PTPN21: variants seen among roughly 807,000 people sequenced by gnomAD.
PTPN21 encodes protein tyrosine phosphatase non-receptor type 21.
Under a neutral mutation model 131.8 loss-of-function variants are expected in PTPN21, and 77 were observed. That is an observed-to-expected ratio of 0.58 (90% CI 0.49 to 0.71). The LOEUF is 0.71. Ranked by LOEUF, PTPN21 falls within the 30% of genes least tolerant of loss-of-function variation. PTPN21 has a pLI of 0.00. For missense variants in PTPN21, 1,552 were observed against 1,527.1 expected (o/e 1.02, Z -0.27); for synonymous variants, 715 against 621.3 (o/e 1.15, Z -2.24).
chr14:88,479,607 C>T lies in PTPN21; in HGVS notation c.1824G>A (p.Glu608=). The change falls in exon 13 of 19, where the codon GAG becomes GAA. Residue 608 remains glutamate (E), a synonymous_variant. Transcript: ENST00000556564. Reference sequence around the variant, plus strand: ...GCGAGTGCGCCACGGGCAGGCTGTCCTCCTGGAACGTTTGCACCGAGTGGT... The same window carrying T: ...GCGAGTGCGCCACGGGCAGGCTGTCTTCCTGGAACGTTTGCACCGAGTGGT... ...RVHHSVQTFQ[E]DSLPVAHSLQ... The T allele has an allele frequency of 6.3e-7, 1 of 1,584,394 alleles. No homozygotes were observed. Among genetic ancestry groups the T allele is most frequent in the Non-Finnish European group, 8.5e-7 (1 of 1,171,046 alleles).
chr14:88,501,467 T>C (rs2078006510), intron 6 of PTPN21, 99 bp from the exon 7 acceptor site: 3 of 1,018,374 alleles, frequency 2.9e-6, no homozygotes, highest in Non-Finnish European at 4.5e-6. Context: ...GCATAAGACA[T>C]TATAAACATT....
At chr14:88,503,359 G>C (rs979962727) in intron 6 of PTPN21, among the ~76,000 whole-genome samples, 3 of 152,088 alleles carry the variant, frequency 2.0e-5, no homozygotes, top group African/African-American at 7.2e-5. Flanking sequence ...TTTTGAGCTT[G>C]GTTTCCCCAT....
intron 8 of PTPN21, among the ~76,000 whole-genome samples, chr14:88,497,749 A>G (rs2077944209): frequency 6.6e-6 from 1 of 152,030 alleles, no homozygotes; most frequent in Non-Finnish European, 1.5e-5. Flanking sequence ...ACTGCACTCC[A>G]ACCTGGGCGA....
chr14:88,518,741 T>C (rs1216013885), intron 2 of PTPN21, among the ~76,000 whole-genome samples: 4 of 151,864 alleles, frequency 2.6e-5, no homozygotes, highest in Non-Finnish European at 4.4e-5. Flanking sequence ...TCATAATTAA[T>C]ATTTTTAAAT....
At chr14:88,491,755 G>A (rs932077499) in intron 10 of PTPN21, among the ~76,000 whole-genome samples, 7 of 152,174 alleles carry the variant, frequency 4.6e-5, no homozygotes, top group African/African-American at 9.6e-5. Context: ...CATGGAAATC[G>A]ACTGCCACAA....
At chr14:88,520,739 A>G (rs1255012651) in intron 2 of PTPN21, among the ~76,000 whole-genome samples, 1 of 152,222 alleles carries the variant, frequency 6.6e-6, no homozygotes, top group Non-Finnish European at 1.5e-5. Flanking sequence ...CAATCAATCT[A>G]ATTTGGTTTT....
chr14:88,539,273 T>C (rs1461000602), intron 2 of PTPN21, among the ~76,000 whole-genome samples: 4 of 137,270 alleles, frequency 2.9e-5, no homozygotes, highest in Admixed American at 7.3e-5. Flanking sequence ...TTTTGAGACA[T>C]AGTTTTGCTC....
intron 2 of PTPN21, among the ~76,000 whole-genome samples, chr14:88,536,780 C>T (rs1245437822): frequency 6.6e-6 from 1 of 152,128 alleles, no homozygotes; most frequent in African/African-American, 2.4e-5. Flanking sequence ...TAATTTCATC[C>T]TGATGCCTTT....
rs765151899 is a variant in PTPN21 at position 88,469,542 on chromosome 14, G to C, written c.3192C>G (p.Asp1064Glu). 4.3e-6 allele frequency: 7 copies of C among 1,614,192 alleles called. No homozygotes were observed. Among genetic ancestry groups the C allele is most frequent in the Non-Finnish European group, 5.9e-6 (7 of 1,180,036 alleles). The change falls in exon 17 of 19, where the codon GAC (aspartate) becomes GAG (glutamate). Residue 1064 changes from aspartate to glutamate, a missense_variant. Asp to Glu is a conservative substitution (Grantham distance 45, BLOSUM62 2). This residue lies in a region of PTPN21 where 316 missense variants were observed against 378.5 expected (regional missense o/e 0.83). Coordinates refer to ENST00000556564, the MANE Select transcript of PTPN21 (RefSeq NM_007039.4). This position sits in a 1 kb window ranked among gnomAD's most constrained non-coding sequence, Gnocchi z 4.3. Reference sequence around the variant, plus strand: ...CTTCTGGACAGCCATGTTCAGGCCAGTCTGTGTATTGGAGGTGCCAGACGG... The same window carrying C: ...CTTCTGGACAGCCATGTTCAGGCCACTCTGTGTATTGGAGGTGCCAGACGG... ...ERTVWHLQYT[D>E]WPEHGCPEDL...
At chr14:88,482,608 C>T (rs1484209246) in intron 12 of PTPN21, among the ~76,000 whole-genome samples, 1 of 150,454 alleles carries the variant, frequency 6.6e-6, no homozygotes, top group Non-Finnish European at 1.5e-5. Context: ...AGCGAAACTC[C>T]ATCTCAAAAG....
Position 88,507,902 on chromosome 14 carries a change from T to C in PTPN21, c.448+21A>G, listed in dbSNP as rs763301455. ...ATTTTAATCTGATAGAACCATTTCATTATGAATTGATCTTATTTACCTTGA... is the reference window on the plus strand; with the variant it reads ...ATTTTAATCTGATAGAACCATTTCACTATGAATTGATCTTATTTACCTTGA... On this transcript the variant is annotated intron_variant, in intron 4 of 18. Transcript: ENST00000556564. 5.5e-6 allele frequency: 8 copies of C among 1,456,524 alleles called. No individual in the cohort carries two copies. The East Asian group carries it at 1.8e-4, about 33-fold the overall frequency. The allele number at this position is 1,456,524 out of a possible 1,614,324, so 90.2% of individuals were successfully genotyped here. A position where few individuals can be genotyped will look rare whatever the true frequency, so the allele number is the denominator to read the frequency against.
At chr14:88,554,161 C>G (rs572859761) in intron 1 of PTPN21, among the ~76,000 whole-genome samples, 1 of 152,308 alleles carries the variant, frequency 6.6e-6, no homozygotes, top group East Asian at 1.9e-4. Flanking sequence ...GAAAATAGGA[C>G]GAGCATGCCA....
intron 13 of PTPN21, among the ~76,000 whole-genome samples, chr14:88,477,008 G>A (rs552546761): frequency 6.6e-5 from 10 of 152,210 alleles, no homozygotes; most frequent in Non-Finnish European, 1.3e-4. Flanking sequence ...GGGAAAGTAC[G>A]TGAGTCACAC....
intron 11 of PTPN21, 28 bp from the exon 12 acceptor site, chr14:88,485,188 T>G: frequency 7.1e-7 from 1 of 1,399,186 alleles, no homozygotes. Flanking sequence ...TGACACAGGG[T>G]TGAAACACAT....
chr14:88,468,809 C>G (rs1393446981), intron 18 of PTPN21, 107 bp downstream of exon 18: 2 of 1,424,912 alleles, frequency 1.4e-6, no homozygotes, highest in Admixed American at 1.7e-5. Flanking sequence ...TTGAGGCCAC[C>G]ACAGTCCAAG....
intron 2 of PTPN21, among the ~76,000 whole-genome samples, chr14:88,518,913 A>C (rs181337572): frequency 6.6e-6 from 1 of 152,110 alleles, no homozygotes; most frequent in Non-Finnish European, 1.5e-5. Flanking sequence ...TTTGTCCCCA[A>C]AATTTCATTA....
chr14:88,503,220 G>A (rs1198928155), intron 6 of PTPN21, among the ~76,000 whole-genome samples: 1 of 151,964 alleles, frequency 6.6e-6, no homozygotes, highest in East Asian at 1.9e-4. Flanking sequence ...TATTTTAGTG[G>A]AGACAGGGTT....
rs1022303604 is a variant in PTPN21, at chr14:88,486,454, G to A, written c.933-612C>T. Among the ~76,000 whole-genome samples, 8 of 152,108 alleles carry A rather than the reference G, an allele frequency of 5.3e-5. 1 individual carries two copies. In the South Asian group the frequency reaches 8.3e-4, roughly 16 times the overall value. ...ATGCTCCTGTAGACCCGCCTCTTGG[G>A]AGCATCTTGGGCCCAGGAGTTCAAG... On this transcript the variant is annotated intron_variant, in intron 10 of 18. Coordinates refer to ENST00000556564, the MANE Select transcript of PTPN21 (RefSeq NM_007039.4).
At chr14:88,527,457 T>C (rs2078496007) in intron 2 of PTPN21, among the ~76,000 whole-genome samples, 1 of 152,210 alleles carries the variant, frequency 6.6e-6, no homozygotes, top group Non-Finnish European at 1.5e-5. Context: ...ATATCTTCTT[T>C]TGAGAATTGT....
Sources: allele counts gnomAD v4.1 joint callset (sites outside exome capture counted in the v4.1 genomes callset), GRCh38; gene constraint gnomAD v4.1.1; regional missense constraint gnomAD v4.1.1; non-coding constraint Gnocchi (gnomAD v3.1); transcripts MANE v1.5; gene names NCBI Gene and HGNC (gene_info 2026-07-23, HGNC 2026-07-21).